The following B3GALT1 variants were observed in gnomAD, a reference collection of about 807,000 sequenced individuals.
The protein encoded by B3GALT1 is UDP-Gal:betaGlcNAc beta 1,3-galactosyltransferase, polypeptide 1.
Under a neutral mutation model 23.2 loss-of-function variants are expected in B3GALT1, and 10 were observed. The ratio of observed to expected loss-of-function variants is 0.43; its 90% CI spans 0.27 to 0.73. B3GALT1 has a LOEUF of 0.73. B3GALT1 is among the 30% of genes least tolerant of loss of function. The pLI, the probability that B3GALT1 is intolerant of heterozygous loss-of-function variation, is 0.21. For missense variants in B3GALT1, 299 were observed against 405.4 expected (o/e 0.74, Z 2.25); for synonymous variants, 156 against 141.5 (o/e 1.10, Z -0.73).
chr2:167,823,671 T>C (rs1280446820), intron 4 of B3GALT1, among the ~76,000 whole-genome samples: 1 of 152,198 alleles, frequency 6.6e-6, no homozygotes, highest in African/African-American at 2.4e-5. Flanking sequence ...TGCCAGGCAG[T>C]CCTCTAACAG....
chr2:167,377,686 C>T (rs760485274), intron 1 of B3GALT1, among the ~76,000 whole-genome samples: 9 of 151,840 alleles, frequency 5.9e-5, no homozygotes, highest in Non-Finnish European at 8.8e-5. Flanking sequence ...GATCTTTCTC[C>T]AGCCCTTTAC....
At chr2:167,830,050 T>C (rs1689314717) in intron 4 of B3GALT1, among the ~76,000 whole-genome samples, 1 of 152,170 alleles carries the variant, frequency 6.6e-6, no homozygotes, top group Non-Finnish European at 1.5e-5. Flanking sequence ...TTAAAAGCAG[T>C]GTTTTCCTCA....
intron 2 of B3GALT1, among the ~76,000 whole-genome samples, chr2:167,626,084 G>A: frequency 6.7e-6 from 1 of 149,846 alleles, no homozygotes. Context: ...AAAGGGTTAG[G>A]AAAAAGAAAA....
intron 2 of B3GALT1, among the ~76,000 whole-genome samples, chr2:167,641,647 C>T (rs182400531): frequency 5.9e-5 from 9 of 152,216 alleles, no homozygotes; most frequent in East Asian, 1.9e-4. Context: ...CTTCTTAAAG[C>T]GCTGTCTTTT....
At chr2:167,294,531 C>A (rs1574020798) in intron 1 of B3GALT1, among the ~76,000 whole-genome samples, 1 of 152,370 alleles carries the variant, frequency 6.6e-6, no homozygotes, top group Non-Finnish European at 1.5e-5. Flanking sequence ...TTCTCCATCC[C>A]TGCTCAGGAC....
intron 2 of B3GALT1, among the ~76,000 whole-genome samples, chr2:167,520,828 A>G (rs982796982): frequency 6.6e-6 from 1 of 152,214 alleles, no homozygotes; most frequent in Non-Finnish European, 1.5e-5. Context: ...TTTGGGAGCA[A>G]TGGGTTGGCA....
rs1265060482 is a variant in B3GALT1 at position 167,457,942 on chromosome 2, A to G, written c.-510-32235A>G. Among the ~76,000 whole-genome samples the G allele has an allele frequency of 2.6e-5, 4 of 152,142 alleles. No homozygotes were observed. In the East Asian group the frequency reaches 7.7e-4, roughly 29 times the overall value. Reference sequence around the variant, plus strand: ...GTACACACTTATTTGTTTCTCTTCTATTTTCTATTGTGGTAAAATACATAT... The same window carrying G: ...GTACACACTTATTTGTTTCTCTTCTGTTTTCTATTGTGGTAAAATACATAT... On this transcript the variant is annotated intron_variant, in intron 1 of 4. Transcript: ENST00000392690.
At chr2:167,693,569 T>C (rs1686747345) in intron 3 of B3GALT1, among the ~76,000 whole-genome samples, 1 of 152,048 alleles carries the variant, frequency 6.6e-6, no homozygotes, top group Admixed American at 6.5e-5. Flanking sequence ...ATTCTCAGAG[T>C]GATGCCTCAT....
intron 3 of B3GALT1, among the ~76,000 whole-genome samples, chr2:167,764,097 T>C (rs1024271545): frequency 6.6e-6 from 1 of 152,190 alleles, no homozygotes; most frequent in African/African-American, 2.4e-5. Context: ...TTCAACAGAT[T>C]TGCTGCAATA....
At position 167,608,000 on chromosome 2, in the gene B3GALT1, G is replaced by A. The variant is rs542481476; in HGVS notation, c.-409-38909G>A. On this transcript the variant is annotated intron_variant, in intron 2 of 4. Coordinates refer to ENST00000392690, the MANE Select transcript of B3GALT1 (RefSeq NM_020981.4). The stretch of plus-strand genomic sequence containing the variant: ...AAATCTTGTGACATTTAATAAGAAA[G>A]GCCATTTCACCCATGGCTACCTCTA... Among the ~76,000 whole-genome samples the A allele has an allele frequency of 3.3e-5, 5 of 152,230 alleles. No homozygotes were observed. In the East Asian group the frequency reaches 9.7e-4, roughly 29 times the overall value.
chr2:167,449,715 T>C (rs1259138297), intron 1 of B3GALT1, among the ~76,000 whole-genome samples: 1 of 152,190 alleles, frequency 6.6e-6, no homozygotes, highest in Non-Finnish European at 1.5e-5. Flanking sequence ...TTCAGCATTA[T>C]TTTGGCTGTG....
At chr2:167,429,380 C>T (rs1185504683) in intron 1 of B3GALT1, among the ~76,000 whole-genome samples, 1 of 151,634 alleles carries the variant, frequency 6.6e-6, no homozygotes, top group East Asian at 1.9e-4. Flanking sequence ...TTAACATTAG[C>T]ATGCTAAAAT....
At chr2:167,687,199 A>T (rs1686630875) in intron 3 of B3GALT1, among the ~76,000 whole-genome samples, 1 of 152,204 alleles carries the variant, frequency 6.6e-6, no homozygotes, top group Non-Finnish European at 1.5e-5. Context: ...TGAAAGAATT[A>T]TGGAAAATAG....
At chr2:167,664,669 A>G (rs1218151137) in intron 3 of B3GALT1, among the ~76,000 whole-genome samples, 10 of 152,128 alleles carry the variant, frequency 6.6e-5, no homozygotes, top group Non-Finnish European at 1.2e-4. Flanking sequence ...CCTTAAAGAG[A>G]TCCTTCACAT....
chr2:167,845,211 C>T (rs1332571868), intron 4 of B3GALT1, among the ~76,000 whole-genome samples: 1 of 152,128 alleles, frequency 6.6e-6, no homozygotes, highest in Non-Finnish European at 1.5e-5. Context: ...TAGGGCCCCA[C>T]CCACCACCAG....
At chr2:167,632,920 A>G (rs576949987) in intron 2 of B3GALT1, among the ~76,000 whole-genome samples, 9 of 152,092 alleles carry the variant, frequency 5.9e-5, no homozygotes, top group East Asian at 3.9e-4. Context: ...TAGGGGTTTT[A>G]TGGTTTTAAG....
In B3GALT1 at chr2:167,434,716, C is replaced by G. The variant is rs1698753519; in HGVS notation, c.-510-55461C>G. ...ATAACTTAATCTATGAATGACCCCCCCCCCTTATTTTTTCCCTTCAACTTA... is the reference window on the plus strand; with the variant it reads ...ATAACTTAATCTATGAATGACCCCCGCCCCTTATTTTTTCCCTTCAACTTA... On this transcript the variant is annotated intron_variant, in intron 1 of 4. Transcript: ENST00000392690. Among the ~76,000 whole-genome samples, 4 of 141,932 alleles carry G rather than the reference C, an allele frequency of 2.8e-5. No individual in the cohort carries two copies. In the Admixed American group the frequency reaches 2.8e-4, roughly 10 times the overall value. The allele number at this position is 141,932 out of a possible 152,430, so 93.1% of individuals were successfully genotyped here. A position where few individuals can be genotyped will look rare whatever the true frequency, so the allele number is the denominator to read the frequency against.
chr2:167,714,107 G>A (rs1159683491), intron 3 of B3GALT1: 2 of 1,529,268 alleles, frequency 1.3e-6, no homozygotes, highest in East Asian at 4.5e-5. Context: ...TGAAGGCATT[G>A]ACCCATCCAT....
At chr2:167,857,390 G>A (rs1352888587) in intron 4 of B3GALT1, among the ~76,000 whole-genome samples, 1 of 152,126 alleles carries the variant, frequency 6.6e-6, no homozygotes, top group Non-Finnish European at 1.5e-5. Flanking sequence ...AGCAATGTGA[G>A]TAGACTGTGG....
Sources: gnomAD v4.1 joint callset for allele counts (sites outside exome capture counted in the v4.1 genomes callset) on GRCh38, gnomAD v4.1.1 for gene constraint, MANE v1.5 for transcripts, NCBI Gene and HGNC (gene_info 2026-07-23, HGNC 2026-07-21) for gene names.